ZMYM6: variants seen among roughly 807,000 people sequenced by gnomAD.
The protein encoded by ZMYM6 is zinc finger MYM-type containing 6.
Under a neutral mutation model 134.0 loss-of-function variants are expected in ZMYM6, and 90 were observed. The ratio of observed to expected loss-of-function variants is 0.67; its 90% CI spans 0.57 to 0.80. The LOEUF (loss-of-function observed/expected upper bound fraction) is 0.80. Ranked by LOEUF, ZMYM6 falls within the 30% of genes least tolerant of loss-of-function variation. The pLI, the probability that ZMYM6 is intolerant of heterozygous loss-of-function variation, is 0.00. For missense variants in ZMYM6, 1,362 were observed against 1,533.9 expected, an observed-to-expected ratio of 0.89 and a Z score of 1.87; for synonymous variants, 481 against 524.1, an observed-to-expected ratio of 0.92 and a Z score of 1.12.
intron 14 of ZMYM6, among the ~76,000 whole-genome samples, chr1:34,993,256 CG>C (rs1324636075): frequency 6.6e-6 from 1 of 151,944 alleles, no homozygotes; most frequent in Non-Finnish European, 1.5e-5. Context: ...GGACCACAGG[CG>C]TGCGCCACCA....
chr1:34,998,560 T>C (rs1252920875), intron 14 of ZMYM6, among the ~76,000 whole-genome samples: 1 of 152,142 alleles, frequency 6.6e-6, no homozygotes, highest in Non-Finnish European at 1.5e-5. Context: ...GGAAGACAGA[T>C]AGGTCACTGC....
At chr1:35,011,098 T>C in intron 8 of ZMYM6, 62 bp from the exon 9 acceptor site, 1 of 1,499,996 alleles carries the variant, frequency 6.7e-7, no homozygotes, top group South Asian at 1.3e-5. Context: ...CTTTGTACTT[T>C]TCATTTCCTC....
chr1:35,012,011 T>C lies in ZMYM6; in HGVS notation c.947-6A>G. On this transcript the variant is annotated splice_polypyrimidine_tract_variant and splice_region_variant and intron_variant, in intron 7 of 15. Transcript: ENST00000357182. ...ATGACATGAAACCTGGACACCTTGGTGACAAAAAATTAAAAACAATGATTA... is the reference window on the plus strand; with the variant it reads ...ATGACATGAAACCTGGACACCTTGGCGACAAAAAATTAAAAACAATGATTA... 1.3e-6 allele frequency: 2 copies of C among 1,560,358 alleles called. No homozygotes were observed. The highest frequency in any genetic ancestry group is 8.8e-7 in the Non-Finnish European group (1 of 1,142,788).
Position 35,030,435 on chromosome 1 carries a change from T to C in ZMYM6, c.93+112A>G, listed in dbSNP as rs542847688. 100 of 965,130 alleles carry C rather than the reference T, an allele frequency of 1.0e-4. No individual in the cohort carries two copies. In the African/African-American group the frequency reaches 1.3e-3, roughly 12 times the overall value. The allele number at this position is 965,130 out of a possible 1,614,324, so 59.8% of individuals were successfully genotyped here. Reference sequence around the variant, plus strand: ...CAGCGACAGCGAGAGCCTGTCTCAGTTTGGGTTATTTTAAACTTACAAACC... The same window carrying C: ...CAGCGACAGCGAGAGCCTGTCTCAGCTTGGGTTATTTTAAACTTACAAACC... On this transcript the variant is annotated intron_variant, in intron 2 of 15. Coordinates refer to ENST00000357182, the MANE Select transcript of ZMYM6 (RefSeq NM_007167.4).
intron 6 of ZMYM6, chr1:35,013,590 CAT>C: frequency 1.0e-6 from 1 of 985,230 alleles, no homozygotes; most frequent in Non-Finnish European, 1.2e-6. Flanking sequence ...GATGAATGTC[CAT>C]ATGTCCATTA....
intron 6 of ZMYM6, chr1:35,013,230 G>A (rs569486304): frequency 4.7e-5 from 33 of 703,394 alleles, no homozygotes; most frequent in Middle Eastern, 1.5e-3. Context: ...AGAGTGAGGC[G>A]CTCTCAAAAA....
chr1:34,992,708 A>G lies in ZMYM6; in HGVS notation c.1993-321T>C, dbSNP rs1242044138. The stretch of plus-strand genomic sequence containing the variant: ...TAAATATAAAAATAAAAATATACTT[A>G]TAAACTATAAAAATAAAAATATACT... On this transcript the variant is annotated intron_variant, in intron 14 of 15. Transcript: ENST00000357182. 2.3e-3 allele frequency among the ~76,000 whole-genome samples: 263 copies of G among 115,030 alleles called. 20 individuals carry two copies. Among genetic ancestry groups the G allele is most frequent in the African/African-American group, 0.012 (234 of 19,694 alleles). The allele number at this position is 115,030 out of a possible 152,430, so 75.5% of individuals were successfully genotyped here.
intron 14 of ZMYM6, 78 bp from the exon 15 acceptor site, chr1:34,992,465 A>G: frequency 2.1e-6 from 3 of 1,461,686 alleles, no homozygotes; most frequent in South Asian, 2.5e-5. Flanking sequence ...CTATCAATTG[A>G]AAGTTCATAT....
chr1:34,994,549 T>C (rs1640741903), intron 14 of ZMYM6, among the ~76,000 whole-genome samples: 1 of 152,094 alleles, frequency 6.6e-6, no homozygotes, highest in Non-Finnish European at 1.5e-5. Context: ...AGGCAGAAAC[T>C]AAATTGTATA....
intron 12 of ZMYM6, among the ~76,000 whole-genome samples, 176 bp from the exon 13 acceptor site, chr1:35,005,448 C>G (rs1442249136): frequency 2.6e-5 from 4 of 151,938 alleles, no homozygotes; most frequent in African/African-American, 9.7e-5. Context: ...TTCTTTAGGA[C>G]TTAAAGAGAG....
intron 12 of ZMYM6, among the ~76,000 whole-genome samples, chr1:35,005,930 G>T (rs1640958318): frequency 6.6e-6 from 1 of 152,208 alleles, no homozygotes; most frequent in South Asian, 2.1e-4. Context: ...GCAGAGGTAG[G>T]CAATGGCCAG....
intron 7 of ZMYM6, 34 bp downstream of exon 7, chr1:35,012,397 T>C (rs779226524): frequency 7.0e-7 from 1 of 1,423,678 alleles, no homozygotes; most frequent in East Asian, 2.6e-5. Context: ...TCAATAGTTA[T>C]TAAATCTATA....
At chr1:35,015,247 C>A in intron 4 of ZMYM6, 85 bp from the exon 5 acceptor site, 2 of 1,299,258 alleles carry the variant, frequency 1.5e-6, no homozygotes, top group Non-Finnish European at 2.1e-6. Flanking sequence ...ATAACACTTA[C>A]TAAGGGCAGG....
intron 12 of ZMYM6, 81 bp from the exon 13 acceptor site, chr1:35,005,353 C>G (rs1014019819): frequency 3.9e-5 from 56 of 1,421,018 alleles, no homozygotes; most frequent in Non-Finnish European, 4.5e-5. Flanking sequence ...ACACAAAACC[C>G]TGTTTAGTAA....
At chr1:35,023,930 T>C (rs1641359091) in intron 2 of ZMYM6, among the ~76,000 whole-genome samples, 2 of 152,170 alleles carry the variant, frequency 1.3e-5, no homozygotes, top group African/African-American at 4.8e-5. Context: ...CCAGATTCAA[T>C]AAAAATTTCT....
rs1430454013 is a variant in ZMYM6, at chr1:35,014,720, T to C, written c.772A>G (p.Thr258Ala). The C allele has an allele frequency of 1.2e-6, 2 of 1,614,028 alleles. No homozygotes were observed. The highest frequency in any genetic ancestry group is 1.7e-5 in the Admixed American group (1 of 59,946). Residue 258 changes from threonine to alanine, a missense_variant, in exon 6 of 16, where the codon ACA becomes GCA. Transcript: ENST00000357182. Reference sequence around the variant, plus strand: ...ACCTGCTTGTATGCCGTGACACTTGTTGAACTAAAAACCTTCTGGGATTGG... The same window carrying C: ...ACCTGCTTGTATGCCGTGACACTTGCTGAACTAAAAACCTTCTGGGATTGG... ...PCQSQKVFSS[T>A]SVTAYKQNSA...
chr1:35,030,098 C>CA (rs1278956105), intron 2 of ZMYM6: 1 of 153,970 alleles, frequency 6.5e-6, no homozygotes, highest in African/African-American at 2.4e-5. Flanking sequence ...TTTCCTTCCA[C>CA]ACACAAAAAA....
At position 34,987,922 on chromosome 1, in the gene ZMYM6, A is replaced by C. The variant is rs971138982; in HGVS notation, c.3160T>G (p.Cys1054Gly). The change falls in exon 16 of 16, where the codon TGT becomes GGT. Residue 1054 changes from cysteine (C) to glycine (G), a missense_variant. Coordinates refer to ENST00000357182, the MANE Select transcript of ZMYM6 (RefSeq NM_007167.4). ...ALNSRMLTIL[C>G]EEMGSEHVSL... ...ACATGCTCAGATCCCATCTCTTCAC[A>C]CAAAATTGTTAACATACGTGAATTT... The C allele has an allele frequency of 1.8e-5, 28 of 1,551,564 alleles. No individual in the cohort carries two copies. In the Admixed American group the frequency reaches 4.9e-4, roughly 27 times the overall value.
intron 2 of ZMYM6, among the ~76,000 whole-genome samples, chr1:35,026,708 A>C (rs1186288318): frequency 6.6e-6 from 1 of 152,232 alleles, no homozygotes; most frequent in Non-Finnish European, 1.5e-5. Flanking sequence ...GAGTAACAAC[A>C]AACTGTTGTA....
Sources: gnomAD v4.1 joint callset for allele counts (sites outside exome capture counted in the v4.1 genomes callset) on GRCh38, gnomAD v4.1.1 for gene constraint, MANE v1.5 for transcripts, NCBI Gene and HGNC (gene_info 2026-07-23, HGNC 2026-07-21) for gene names.